Variants in LRRC7 observed in about 807,000 individuals in gnomAD.
LRRC7 encodes leucine rich repeat containing 7.
LRRC7 carries 23 observed loss-of-function variants against 175.7 expected under a neutral mutation model. That is an observed-to-expected ratio of 0.13 (90% confidence interval 0.09 to 0.19). The LOEUF (loss-of-function observed/expected upper bound fraction) is 0.19. Ranked by LOEUF, LRRC7 falls within the 10% of genes least tolerant of loss-of-function variation. The pLI is 1.00. For synonymous variants in LRRC7, 685 were observed against 680.9 expected, an observed-to-expected ratio of 1.01 and a Z score of -0.09; for missense variants, 1,354 against 1,904.7, an observed-to-expected ratio of 0.71 and a Z score of 5.38.
rs1352889921 is a variant in LRRC7, at chr1:70,130,884, A to G, written c.*8997A>G. Among the ~76,000 whole-genome samples the G allele has an allele frequency of 1.3e-5, 2 of 152,192 alleles. No individual in the cohort carries two copies. The highest frequency in any genetic ancestry group is 3.9e-4 in the East Asian group (2 of 5,194). Reference sequence around the variant, plus strand: ...CCTATTTAGCTCTAAATTTTAATCAAACTGCTGCCAAATGCTGCCCGTCCT... The same window carrying G: ...CCTATTTAGCTCTAAATTTTAATCAGACTGCTGCCAAATGCTGCCCGTCCT... On this transcript the variant is annotated 3_prime_UTR_variant, in exon 27 of 27. Coordinates refer to ENST00000651989, the MANE Select transcript of LRRC7 (RefSeq NM_001370785.2).
chr1:70,017,919 G>A (rs1029619233), intron 14 of LRRC7, among the ~76,000 whole-genome samples: 1 of 152,016 alleles, frequency 6.6e-6, no homozygotes. Flanking sequence ...TATTATTCTT[G>A]TGGGAGAATG....
intron 26 of LRRC7, among the ~76,000 whole-genome samples, chr1:70,109,076 C>G (rs955536757): frequency 5.3e-5 from 8 of 152,128 alleles, no homozygotes; most frequent in Non-Finnish European, 1.2e-4. Flanking sequence ...GGCTGGAGTG[C>G]AATGGCACGA....
chr1:69,990,840 A>G (rs909938785), intron 10 of LRRC7, among the ~76,000 whole-genome samples: 1 of 152,164 alleles, frequency 6.6e-6, no homozygotes, highest in Non-Finnish European at 1.5e-5. Context: ...GATTTAATTG[A>G]TTACACTTAT....
In LRRC7 at chr1:70,077,802, T is replaced by G. The variant is rs182392419; in HGVS notation, c.4452+1504T>G. Among the ~76,000 whole-genome samples, 10 of 152,332 alleles carry G rather than the reference T, an allele frequency of 6.6e-5. No individual in the cohort carries two copies. The East Asian group carries it at 1.9e-3, about 29-fold the overall frequency. On this transcript the variant is annotated intron_variant, in intron 24 of 26. Coordinates refer to ENST00000651989, the MANE Select transcript of LRRC7 (RefSeq NM_001370785.2). ...TGTATTGAGTTTAGAACATTATGAT[T>G]ATTTCAGAAAAAATGTATTTATAGT...
intron 2 of LRRC7, among the ~76,000 whole-genome samples, chr1:69,734,199 T>C (rs1667872206): frequency 6.6e-6 from 1 of 151,714 alleles, no homozygotes; most frequent in Non-Finnish European, 1.5e-5. Context: ...AAAGTCAAAA[T>C]AAAGAAAATT....
intron 1 of LRRC7, among the ~76,000 whole-genome samples, chr1:69,600,841 C>A (rs375998107): frequency 1.5e-4 from 5 of 33,640 alleles, no homozygotes; most frequent in East Asian, 9.8e-4. Flanking sequence ...GACAGAGTTT[C>A]TCTTTTGTCA....
chr1:69,700,668 G>A (rs999602790), intron 2 of LRRC7, among the ~76,000 whole-genome samples: 3 of 152,218 alleles, frequency 2.0e-5, no homozygotes, highest in Non-Finnish European at 4.4e-5. Flanking sequence ...GTCAAGCCAA[G>A]GGGGAAGAGA....
At chr1:70,072,417 A>G (rs960811796) in intron 23 of LRRC7, among the ~76,000 whole-genome samples, 2 of 152,198 alleles carry the variant, frequency 1.3e-5, no homozygotes, top group African/African-American at 2.4e-5. Context: ...GTCAAAAACA[A>G]CTTCCTCTTT....
intron 2 of LRRC7, among the ~76,000 whole-genome samples, chr1:69,710,330 C>T (rs1664614761): frequency 6.6e-6 from 1 of 150,906 alleles, no homozygotes; most frequent in Admixed American, 6.6e-5. Context: ...GACAGGTTAC[C>T]CAGAGCAGAG....
At chr1:70,042,941 C>T (rs1660036584) in intron 21 of LRRC7, among the ~76,000 whole-genome samples, 1 of 151,860 alleles carries the variant, frequency 6.6e-6, no homozygotes, top group Admixed American at 6.6e-5. Flanking sequence ...CTACCTGCTG[C>T]TAATGTTCAG....
chr1:69,805,160 T>C (rs1429821141), intron 4 of LRRC7, among the ~76,000 whole-genome samples: 1 of 151,722 alleles, frequency 6.6e-6, no homozygotes, highest in Non-Finnish European at 1.5e-5. Flanking sequence ...TTGAAGGCAT[T>C]ATTATGTGTT....
At chr1:69,837,414 A>T (rs1938579) in intron 6 of LRRC7, among the ~76,000 whole-genome samples, 4 of 151,600 alleles carry the variant, frequency 2.6e-5, no homozygotes, top group Admixed American at 2.0e-4. Context: ...GTTCCAAACC[A>T]TATAAATCTG....
chr1:69,687,803 T>C (rs1661374091), intron 2 of LRRC7, among the ~76,000 whole-genome samples: 1 of 152,210 alleles, frequency 6.6e-6, no homozygotes, highest in Non-Finnish European at 1.5e-5. Context: ...AATGTTACTC[T>C]TTCAAATATG....
intron 24 of LRRC7, among the ~76,000 whole-genome samples, chr1:70,083,364 C>G (rs1334025016): frequency 6.6e-6 from 1 of 151,998 alleles, no homozygotes; most frequent in Admixed American, 6.5e-5. Flanking sequence ...ATTATAATAG[C>G]TTATTATTGC....
intron 8 of LRRC7, among the ~76,000 whole-genome samples, chr1:69,941,109 C>G (rs920384402): frequency 2.0e-5 from 3 of 152,008 alleles, no homozygotes; most frequent in African/African-American, 7.2e-5. Context: ...AGTACCAACA[C>G]CTGATATGAG....
In LRRC7 at chr1:70,140,945, A is replaced by G. The variant is rs568366397; in HGVS notation, c.*19058A>G. Among the ~76,000 whole-genome samples the G allele has an allele frequency of 6.9e-4, 105 of 152,170 alleles. No individual in the cohort carries two copies. The highest frequency in any genetic ancestry group is 1.4e-3 in the Non-Finnish European group (92 of 67,968). ...ACTTTCAGTCATTTTTCTATAAACA[A>G]CTTTCCTCAGTTCGCAACTGAGGTG... On this transcript the variant is annotated 3_prime_UTR_variant, in exon 27 of 27. Transcript: ENST00000651989.
intron 1 of LRRC7, among the ~76,000 whole-genome samples, chr1:69,604,969 T>C (rs764846750): frequency 2.0e-5 from 3 of 152,202 alleles, no homozygotes; most frequent in Non-Finnish European, 4.4e-5. Context: ...TAACATGTGA[T>C]ACCCCATTGA....
intron 23 of LRRC7, among the ~76,000 whole-genome samples, chr1:70,056,916 C>CTT (rs1474083564): frequency 2.0e-5 from 3 of 152,018 alleles, no homozygotes; most frequent in Non-Finnish European, 2.9e-5. Flanking sequence ...AAACGTCAAG[C>CTT]AAGATAAGTA....
At chr1:69,593,955 C>T (rs1646740159) in intron 1 of LRRC7, among the ~76,000 whole-genome samples, 1 of 152,184 alleles carries the variant, frequency 6.6e-6, no homozygotes, top group South Asian at 2.1e-4. Context: ...GTCTTTGCCA[C>T]TCATAAGCTG....
Sources: gnomAD v4.1 joint callset for allele counts (sites outside exome capture counted in the v4.1 genomes callset) on GRCh38, gnomAD v4.1.1 for gene constraint, MANE v1.5 for transcripts, NCBI Gene and HGNC (gene_info 2026-07-23, HGNC 2026-07-21) for gene names.